Variants in TRUB1 observed in about 807,000 individuals in gnomAD.
TRUB1 encodes the protein pseudouridylate synthase TRUB1.
TRUB1 carries 23 observed loss-of-function variants against 33.9 expected under a neutral mutation model. That is an observed-to-expected ratio of 0.68 (90% CI 0.49 to 0.96). The LOEUF (loss-of-function observed/expected upper bound fraction) is 0.96. TRUB1 is among the 40% of genes least tolerant of loss of function. The probability of loss-of-function intolerance (pLI) is 0.00; values close to 1 mark genes in which losing one functional copy is unlikely to be tolerated. For missense variants in TRUB1, 378 were observed against 422.2 expected (o/e 0.90, Z 0.92); for synonymous variants, 163 against 165.4 (o/e 0.99, Z 0.11).
chr10:114,963,871 G>GTGA (rs1248392910), intron 4 of TRUB1, among the ~76,000 whole-genome samples: 1 of 152,088 alleles, frequency 6.6e-6, no homozygotes, highest in Non-Finnish European at 1.5e-5. Flanking sequence ...TTGGGGCTTT[G>GTGA]TGAATAAAGT....
At chr10:114,942,806 T>C (rs2143020209) in intron 2 of TRUB1, 63 bp downstream of exon 2, 2 of 1,064,788 alleles carry the variant, frequency 1.9e-6, no homozygotes, top group East Asian at 4.7e-5. Context: ...AAACACTGGT[T>C]GAGAACAGAT....
Position 114,975,324 on chromosome 10 carries a change from A to C in TRUB1, c.995A>C (p.Glu332Ala). The C allele has an allele frequency of 6.2e-7, 1 of 1,611,960 alleles. No homozygotes were observed. The highest frequency in any genetic ancestry group is 8.5e-7 in the Non-Finnish European group (1 of 1,178,878). ...PESNEQVLSC[E>A]YITLNEPKRE... The stretch of plus-strand genomic sequence containing the variant: ...TCTAATGAACAGGTTTTGAGCTGTG[A>C]ATATATAACTCTAAATGAGCCAAAG... Residue 332 changes from glutamate (E) to alanine (A), a missense_variant, in exon 8 of 8, where the codon GAA becomes GCA. Physicochemically the swap from Glu to Ala is moderately radical, Grantham distance 107. Transcript: ENST00000298746.
At chr10:114,947,919 A>G (rs528568236) in intron 2 of TRUB1, among the ~76,000 whole-genome samples, 15 of 152,292 alleles carry the variant, frequency 9.8e-5, no homozygotes, top group South Asian at 6.2e-4. Context: ...ATAGATTCCT[A>G]CGATTGGAAA....
At chr10:114,953,601 A>G (rs2084246976) in intron 3 of TRUB1, among the ~76,000 whole-genome samples, 1 of 152,192 alleles carries the variant, frequency 6.6e-6, no homozygotes, top group African/African-American at 2.4e-5. Context: ...AGATACATAC[A>G]TTTATGAAAA....
At chr10:114,961,839 A>G (rs1230896918) in intron 4 of TRUB1, among the ~76,000 whole-genome samples, 1 of 152,190 alleles carries the variant, frequency 6.6e-6, no homozygotes, top group Admixed American at 6.5e-5. Context: ...TTGTGTCCTT[A>G]AGGAACTTAC....
At chr10:114,943,399 A>T (rs1219808757) in intron 2 of TRUB1, among the ~76,000 whole-genome samples, 1 of 152,132 alleles carries the variant, frequency 6.6e-6, no homozygotes, top group Non-Finnish European at 1.5e-5. Context: ...GTGTGGTGGC[A>T]TGTGCCTGTA....
chr10:114,958,809 G>A (rs1484753944), intron 3 of TRUB1, among the ~76,000 whole-genome samples: 1 of 152,152 alleles, frequency 6.6e-6, no homozygotes, highest in Non-Finnish European at 1.5e-5. Flanking sequence ...TTGTTCCTGA[G>A]ATCTTAAGTA....
intron 3 of TRUB1, among the ~76,000 whole-genome samples, chr10:114,952,083 G>A (rs184531826): frequency 6.6e-6 from 1 of 152,226 alleles, no homozygotes; most frequent in African/African-American, 2.4e-5. Context: ...CTCATTTTCT[G>A]AACTTATTAT....
chr10:114,955,324 G>A (rs1004699311), intron 3 of TRUB1, among the ~76,000 whole-genome samples: 3 of 152,186 alleles, frequency 2.0e-5, no homozygotes, highest in Non-Finnish European at 4.4e-5. Context: ...CAGACAGAAG[G>A]AACAGAAGAA....
intron 7 of TRUB1, among the ~76,000 whole-genome samples, chr10:114,974,735 A>T (rs1460188093): frequency 6.6e-6 from 1 of 152,162 alleles, no homozygotes; most frequent in East Asian, 1.9e-4. Context: ...ATTTTTTTAA[A>T]CTGGAAGCCG....
chr10:114,941,737 T>G (rs1185058098), intron 1 of TRUB1, among the ~76,000 whole-genome samples: 13 of 152,184 alleles, frequency 8.5e-5, no homozygotes, highest in Admixed American at 8.5e-4. Flanking sequence ...CAACTTAATC[T>G]TAGCTGCTTT....
chr10:114,974,003 A>G (rs1485918853), intron 6 of TRUB1, among the ~76,000 whole-genome samples: 3 of 152,294 alleles, frequency 2.0e-5, no homozygotes, highest in Admixed American at 2.0e-4. Flanking sequence ...ATTTTTTAAA[A>G]TCTCAAGCTC....
rs7099565 is a variant in TRUB1, at chr10:114,959,784, G to A, written c.500G>A (p.Arg167Lys). ...KATDTLDSTGRVTEEKPYDKI... is the reference protein window; with the variant it reads ...KATDTLDSTGKVTEEKPYDKI... ...ACTGATACACTAGATTCTACGGGGAGGGTAACAGAAGAAAAACCTTACGGT... is the reference window on the plus strand; with the variant it reads ...ACTGATACACTAGATTCTACGGGGAAGGTAACAGAAGAAAAACCTTACGGT... The change falls in exon 4 of 8, where the codon AGG becomes AAG. Residue 167 changes from arginine to lysine, a missense_variant. Transcript: ENST00000298746. 0.45 allele frequency: 722,364 copies of A among 1,598,310 alleles called. 173,175 individuals carry two copies. Among genetic ancestry groups the A allele is most frequent in the African/African-American group, 0.75 (55,747 of 74,530 alleles).
rs1343518268 is a variant in TRUB1 at position 114,970,573 on chromosome 10, AAAGTG to A, written c.596+137_596+141del. 5 of 702,194 alleles carry A rather than the reference AAAGTG, an allele frequency of 7.1e-6. No homozygotes were observed. In the African/African-American group the frequency reaches 8.9e-5, roughly 12 times the overall value. 43.5% of individuals were successfully genotyped at this position (702,194 alleles called of 1,614,324 possible). The stretch of plus-strand genomic sequence containing the variant: ...TTTTAAATCTGATGTGCCAAATGTT[AAAGTG>A]AAGGTGAGACAGGATGTGGAGCTTT... On this transcript the variant is annotated intron_variant, in intron 5 of 7. Coordinates refer to ENST00000298746, the MANE Select transcript of TRUB1 (RefSeq NM_139169.5).
rs2084193403 is a variant in TRUB1, at chr10:114,942,650, G to C, written c.292G>C (p.Gly98Arg). ...CATCCCCATTTCTCTCATAGAAGCT[G>C]GAATGCCTTCTCCAGAATGGACCAA... ...RLKEKLLAEA[G>R]MPSPEWTKRK... The change falls in exon 2 of 8, where the codon GGA (glycine) becomes CGA (arginine). Residue 98 changes from glycine (G) to arginine (R), a missense_variant. Gly to Arg is a moderately radical substitution (Grantham distance 125). Coordinates refer to ENST00000298746, the MANE Select transcript of TRUB1 (RefSeq NM_139169.5). The C allele has an allele frequency of 6.2e-7, 1 of 1,611,768 alleles. No homozygotes were observed. Among genetic ancestry groups the C allele is most frequent in the Non-Finnish European group, 8.5e-7 (1 of 1,178,034 alleles).
intron 2 of TRUB1, among the ~76,000 whole-genome samples, chr10:114,947,271 T>C (rs1229368144): frequency 6.6e-6 from 1 of 152,190 alleles, no homozygotes; most frequent in East Asian, 1.9e-4. Flanking sequence ...CCCTTTGATT[T>C]TAAGCCTAGT....
intron 2 of TRUB1, among the ~76,000 whole-genome samples, chr10:114,946,595 G>A (rs953086302): frequency 6.6e-6 from 1 of 152,096 alleles, no homozygotes; most frequent in Admixed American, 6.6e-5. Flanking sequence ...GCCCACCTCT[G>A]CCTCCCAAAG....
At chr10:114,951,201 A>G in intron 3 of TRUB1, 52 bp downstream of exon 3, 2 of 1,428,600 alleles carry the variant, frequency 1.4e-6, no homozygotes, top group Non-Finnish European at 9.8e-7. Flanking sequence ...AATGATCTAC[A>G]TGTATTGGGT....
chr10:114,974,842 G>C (rs759234253), intron 7 of TRUB1, among the ~76,000 whole-genome samples: 2 of 152,036 alleles, frequency 1.3e-5, no homozygotes, highest in Non-Finnish European at 2.9e-5. Context: ...TGTAAAGTGC[G>C]GCTAATCTTT....
Sources: gnomAD v4.1 joint callset for allele counts (sites outside exome capture counted in the v4.1 genomes callset) on GRCh38, gnomAD v4.1.1 for gene constraint, MANE v1.5 for transcripts, NCBI Gene and HGNC (gene_info 2026-07-23, HGNC 2026-07-21) for gene names.